The following VPS54 variants were observed in gnomAD, a reference collection of about 807,000 sequenced individuals.
VPS54 encodes the protein vacuolar protein sorting-associated protein 54.
In VPS54, 45 loss-of-function variants were observed where a neutral mutation model predicts 121.5. The ratio of observed to expected loss-of-function variants is 0.37; its 90% confidence interval spans 0.29 to 0.47. The LOEUF is 0.47. Ranked by LOEUF, VPS54 falls within the 20% of genes least tolerant of loss-of-function variation. The pLI is 0.99. For missense variants in VPS54, 1,090 were observed against 1,131.4 expected (o/e 0.96, Z 0.52); for synonymous variants, 371 against 385.8 (o/e 0.96, Z 0.45).
At chr2:63,985,892 C>T (rs1559040640) in intron 1 of VPS54, among the ~76,000 whole-genome samples, 1 of 152,056 alleles carries the variant, frequency 6.6e-6, no homozygotes, top group Non-Finnish European at 1.5e-5. Context: ...AAAGTTTACA[C>T]ATATTTAAGA....
intron 10 of VPS54, among the ~76,000 whole-genome samples, chr2:63,944,007 C>T (rs907182346): frequency 6.6e-6 from 1 of 151,466 alleles, no homozygotes; most frequent in African/African-American, 2.4e-5. Context: ...GCTGGGATTA[C>T]AGGTGTGAGT....
At chr2:63,943,972 T>C (rs1674857563) in intron 10 of VPS54, among the ~76,000 whole-genome samples, 1 of 151,910 alleles carries the variant, frequency 6.6e-6, no homozygotes, top group African/African-American at 2.4e-5. Flanking sequence ...GCTCAAGCGA[T>C]TCTCCCACCT....
At chr2:63,932,809 T>G (rs754776370) in intron 12 of VPS54, among the ~76,000 whole-genome samples, 1 of 152,146 alleles carries the variant, frequency 6.6e-6, no homozygotes, top group Non-Finnish European at 1.5e-5. Flanking sequence ...CGGAGATTAC[T>G]GGGTCAATTG....
At position 63,965,336 on chromosome 2, in the gene VPS54, C is replaced by T. The variant is rs374016061; in HGVS notation, c.624+499G>A. Among the ~76,000 whole-genome samples, 53 of 152,118 alleles carry T rather than the reference C, an allele frequency of 3.5e-4. 1 individual carries two copies. The East Asian group carries it at 0.01, about 29-fold the overall frequency. On this transcript the variant is annotated intron_variant, in intron 6 of 22. Transcript: ENST00000272322. ...CCAAAAATACAAAAAATTAGCCAAG[C>T]ATGGTGGCACGCACCTGTAGTCCCA...
intron 1 of VPS54, among the ~76,000 whole-genome samples, chr2:64,011,495 C>T (rs879594716): frequency 6.6e-5 from 10 of 152,046 alleles, no homozygotes; most frequent in Admixed American, 5.9e-4. Flanking sequence ...GAACACAGAA[C>T]GGGGAGGTTG....
chr2:63,924,766 T>C (rs1047171313), intron 12 of VPS54, among the ~76,000 whole-genome samples: 1 of 152,200 alleles, frequency 6.6e-6, no homozygotes, highest in African/African-American at 2.4e-5. Flanking sequence ...CAGAAACAGA[T>C]ACGCCTATCT....
chr2:63,943,179 C>G (rs1158148813), intron 10 of VPS54, among the ~76,000 whole-genome samples: 1 of 152,128 alleles, frequency 6.6e-6, no homozygotes, highest in Non-Finnish European at 1.5e-5. Context: ...ATGTAAGCAG[C>G]AGCCAATATT....
chr2:63,924,627 C>CAACAT (rs1395548778), intron 12 of VPS54, among the ~76,000 whole-genome samples: 1 of 151,966 alleles, frequency 6.6e-6, no homozygotes, highest in East Asian at 1.9e-4. Context: ...CCAGCCTGGG[C>CAACAT]AACATAGTAA....
intron 1 of VPS54, among the ~76,000 whole-genome samples, chr2:63,998,064 G>T (rs7608885): frequency 0.77 from 117,830 of 152,086 alleles, 47,229 homozygotes; most frequent in African/African-American, 0.91. Flanking sequence ...TATTTGAATT[G>T]TCTTCTTTAT....
intron 20 of VPS54, among the ~76,000 whole-genome samples, chr2:63,904,636 TAAG>T (rs1672831980): frequency 6.6e-6 from 1 of 152,062 alleles, no homozygotes; most frequent in Middle Eastern, 3.2e-3. Flanking sequence ...GTAATTGATA[TAAG>T]AAGTAGACAG....
At chr2:64,012,701 A>G (rs1298032707) in intron 1 of VPS54, among the ~76,000 whole-genome samples, 5 of 143,252 alleles carry the variant, frequency 3.5e-5, no homozygotes, top group Non-Finnish European at 5.9e-5. Context: ...CAAAAAAAAA[A>G]AAAAGAAAAG....
chr2:63,962,172 G>C lies in VPS54; in HGVS notation c.896C>G (p.Thr299Ser), dbSNP rs1415631383. The part of the protein sequence containing the change: ...KLKLMATVHQ[T>S]QPTVQVLLST... ...TAATAACACCTGTACTGTAGGCTGAGTCTGGTGTACAGTGGCCATTAACTT... is the reference window on the plus strand; with the variant it reads ...TAATAACACCTGTACTGTAGGCTGACTCTGGTGTACAGTGGCCATTAACTT... The change falls in exon 7 of 23, where the codon ACT (threonine) becomes AGT (serine). Residue 299 changes from threonine to serine, a missense_variant. Around this residue, in one of 2 missense-constraint regions of VPS54, gnomAD observed 801 missense variants for 757.0 expected, o/e 1.06. Coordinates refer to ENST00000272322, the MANE Select transcript of VPS54 (RefSeq NM_016516.3). 2 of 1,613,944 alleles carry C rather than the reference G, an allele frequency of 1.2e-6. No individual in the cohort carries two copies. The highest frequency in any genetic ancestry group is 1.7e-6 in the Non-Finnish European group (2 of 1,179,838).
intron 11 of VPS54, among the ~76,000 whole-genome samples, chr2:63,941,852 G>A (rs1674744962): frequency 6.6e-6 from 1 of 151,872 alleles, no homozygotes; most frequent in Non-Finnish European, 1.5e-5. Context: ...TGGCCAACAT[G>A]GTGAAACCCC....
intron 4 of VPS54, among the ~76,000 whole-genome samples, chr2:63,969,683 C>T (rs1676171674): frequency 6.6e-6 from 1 of 152,048 alleles, no homozygotes; most frequent in African/African-American, 2.4e-5. Context: ...AAAGGTTCAT[C>T]CCAAAACTAT....
chr2:63,996,346 T>G (rs527306659), intron 1 of VPS54, among the ~76,000 whole-genome samples: 1 of 152,350 alleles, frequency 6.6e-6, no homozygotes, highest in East Asian at 1.9e-4. Context: ...TAATTTCCTA[T>G]GCCTGTCTTT....
At chr2:63,972,050 A>AATTTTACTAGAAATAAAAATTATAGATAT in intron 4 of VPS54, 116 bp downstream of exon 4, 1 of 534,190 alleles carries the variant, frequency 1.9e-6, no homozygotes, top group Non-Finnish European at 3.0e-6. Flanking sequence ...AGGTTATAAA[A>AATTTTACTAGAAATAAAAATTATAGATAT]ATTTTACTAG....
At position 63,930,039 on chromosome 2, in the gene VPS54, A is replaced by G. The variant is rs994481760; in HGVS notation, c.1739+3634T>C. 2.0e-5 allele frequency among the ~76,000 whole-genome samples: 3 copies of G among 152,220 alleles called. No homozygotes were observed. In the East Asian group the frequency reaches 5.8e-4, roughly 29 times the overall value. On this transcript the variant is annotated intron_variant, in intron 12 of 22. Coordinates refer to ENST00000272322, the MANE Select transcript of VPS54 (RefSeq NM_016516.3). ...ATAATTAATAGCCTACCAACCAAAA[A>G]AAGTTCAGGACCAGACAGATTCACA...
intron 2 of VPS54, among the ~76,000 whole-genome samples, chr2:63,982,686 T>C (rs1353475005): frequency 6.6e-6 from 1 of 152,210 alleles, no homozygotes; most frequent in Non-Finnish European, 1.5e-5. Flanking sequence ...ATCATAGCCT[T>C]CTTGCACTTA....
chr2:63,983,909 G>T lies in VPS54; in HGVS notation c.91C>A (p.Arg31=), dbSNP rs141455298. The T allele has an allele frequency of 2.5e-5, 40 of 1,613,050 alleles. No homozygotes were observed. The African/African-American group carries it at 4.5e-4, about 18-fold the overall frequency. ...KIEVDPSKHI[R]PVPSLPDVCP... ...ACATCTGGCAGTGATGGCACAGGTCGAATGTGTTTTGACGGATCTACCTCT... is the reference window on the plus strand; with the variant it reads ...ACATCTGGCAGTGATGGCACAGGTCTAATGTGTTTTGACGGATCTACCTCT... The change falls in exon 2 of 23, where the codon CGA becomes AGA. Residue 31 remains arginine (R), a synonymous_variant. Transcript: ENST00000272322.
Sources: allele counts gnomAD v4.1 joint callset (sites outside exome capture counted in the v4.1 genomes callset), GRCh38; gene constraint gnomAD v4.1.1; regional missense constraint gnomAD v4.1.1; transcripts MANE v1.5; gene names NCBI Gene and HGNC (gene_info 2026-07-23, HGNC 2026-07-21).